Variants in SHKBP1 observed in about 807,000 individuals in gnomAD.
The protein encoded by SHKBP1 is SH3KBP1 binding protein 1.
In SHKBP1, 71 loss-of-function variants were observed where a neutral mutation model predicts 83.9. The ratio of observed to expected loss-of-function variants is 0.85; its 90% CI spans 0.70 to 1.03. The LOEUF (loss-of-function observed/expected upper bound fraction) is 1.03, where lower values mean the gene tolerates loss of function less well. SHKBP1 is among the 50% of genes least tolerant of loss of function. The pLI is 0.00. For synonymous variants in SHKBP1, 371 were observed against 398.0 expected, an observed-to-expected ratio of 0.93 and a Z score of 0.81; for missense variants, 824 against 982.4, an observed-to-expected ratio of 0.84 and a Z score of 2.16.
chr19:40,588,485 G>A, intron 13 of SHKBP1, 139 bp from the exon 14 acceptor site: 1 of 1,077,734 alleles, frequency 9.3e-7, no homozygotes, highest in South Asian at 1.4e-5. Context: ...GGAATTCTGG[G>A]GAGGAAAGGA....
chr19:40,580,058 A>C, intron 6 of SHKBP1: 2 of 278,426 alleles, frequency 7.2e-6, no homozygotes, highest in Non-Finnish European at 1.3e-5. Context: ...AAAAAAACGG[A>C]AAATTAGGTA....
rs147917356 is a variant in SHKBP1, at chr19:40,588,742, A to C, written c.1455A>C (p.Ala485=). Residue 485 remains alanine (A), a synonymous_variant, in exon 14 of 18, where the codon GCA becomes GCC. Coordinates refer to ENST00000291842, the MANE Select transcript of SHKBP1 (RefSeq NM_138392.4). ...TTAAGATCCTGGCTCTGGAGTCGGC[A>C]GATGGGCATGGCGGCTGCAGTGCTG... ...ASFKILALES[A]DGHGGCSAGN... 89 of 1,614,028 alleles carry C rather than the reference A, an allele frequency of 5.5e-5. No individual in the cohort carries two copies. In the African/African-American group the frequency reaches 1.1e-3, roughly 20 times the overall value.
chr19:40,578,182 G>A lies in SHKBP1; in HGVS notation c.289G>A (p.Glu97Lys). The change falls in exon 5 of 18, where the codon GAA becomes AAA. Residue 97 changes from glutamate to lysine, a missense_variant. By Grantham distance (56) the Glu-to-Lys change is moderately conservative. This residue lies in a region of SHKBP1 where 355 missense variants were observed against 386.4 expected (regional missense o/e 0.92). Transcript: ENST00000291842. ...RGVHGSSLLH[E>K]AQFYGLTPLV... ...TGTCCACGGTTCCAGCCTCCTCCAT[G>A]AAGCCCAGTTCTATGGGCTCACTCC... The A allele has an allele frequency of 6.2e-7, 1 of 1,614,114 alleles. No individual in the cohort carries two copies. The highest frequency in any genetic ancestry group is 1.6e-4 in the Middle Eastern group (1 of 6,062).
At chr19:40,585,088 G>A (rs2081300492) in intron 12 of SHKBP1, among the ~76,000 whole-genome samples, 1 of 151,718 alleles carries the variant, frequency 6.6e-6, no homozygotes, top group Admixed American at 6.6e-5. Flanking sequence ...TTTATGTATG[G>A]TGTGAAGCAG....
chr19:40,583,661 G>A lies in SHKBP1; in HGVS notation c.1109G>A (p.Arg370Gln), dbSNP rs752327703. Residue 370 changes from arginine to glutamine, a missense_variant, in exon 12 of 18, where the codon CGG (arginine) becomes CAG (glutamine). Physicochemically the swap from Arg to Gln is conservative, Grantham distance 43. Coordinates refer to ENST00000291842, the MANE Select transcript of SHKBP1 (RefSeq NM_138392.4). ...GACCTCCTTGTCAGCGAGCTCTATC[G>A]GGACCCAGCGGAGGATGGGGTCACC... is the stretch of plus-strand genomic sequence containing the variant. ...DNDLLVSELY[R>Q]DPAEDGVTAL... The A allele has an allele frequency of 5.6e-6, 9 of 1,613,422 alleles. No homozygotes were observed. In the African/African-American group the frequency reaches 6.7e-5, roughly 12 times the overall value.
intron 12 of SHKBP1, 189 bp from the exon 13 acceptor site, chr19:40,586,585 T>C: frequency 2.2e-6 from 1 of 452,798 alleles, no homozygotes; most frequent in East Asian, 3.6e-5. Flanking sequence ...CAGGCTGGTC[T>C]TGAACGCCTG....
At position 40,590,693 on chromosome 19, in the gene SHKBP1, C is replaced by G. The variant is rs1568395659; in HGVS notation, c.1769-37C>G. 3 of 1,547,802 alleles carry G rather than the reference C, an allele frequency of 1.9e-6. No individual in the cohort carries two copies. The highest frequency in any genetic ancestry group is 2.6e-6 in the Non-Finnish European group (3 of 1,143,766). On this transcript the variant is annotated intron_variant, in intron 16 of 17. Coordinates refer to ENST00000291842, the MANE Select transcript of SHKBP1 (RefSeq NM_138392.4). The surrounding 1 kb of genome is among the most constrained non-coding windows in gnomAD (Gnocchi z 4.6). ...AACCCAGGCCCTTGCCCTATGACCC[C>G]TGTCTTGCCCCCTGACCCTGCTTCC...
rs1375403419 is a variant in SHKBP1 at position 40,590,390 on chromosome 19, C to G, written c.1736C>G (p.Thr579Ser). The G allele has an allele frequency of 2.5e-6, 4 of 1,611,560 alleles. No individual in the cohort carries two copies. Among genetic ancestry groups the G allele is most frequent in the Non-Finnish European group, 1.7e-6 (2 of 1,179,178 alleles). ...ANGSLAMWDL[T>S]TAMDGLGQAP... ...GGCAGCTTGGCCATGTGGGACCTAACCACCGCCATGGACGGCCTCGGCCAG... is the reference window on the plus strand; with the variant it reads ...GGCAGCTTGGCCATGTGGGACCTAAGCACCGCCATGGACGGCCTCGGCCAG... The change falls in exon 16 of 18, where the codon ACC (threonine) becomes AGC (serine). Residue 579 changes from threonine (T) to serine (S), a missense_variant. By Grantham distance (58) the Thr-to-Ser change is moderately conservative. Around this residue, in one of 3 missense-constraint regions of SHKBP1, gnomAD observed 287 missense variants for 322.9 expected, o/e 0.89. Coordinates refer to ENST00000291842, the MANE Select transcript of SHKBP1 (RefSeq NM_138392.4). The surrounding 1 kb of genome is among the most constrained non-coding windows in gnomAD (Gnocchi z 4.6).
In SHKBP1 at chr19:40,590,721, G is replaced by GC; in HGVS notation, c.1769-3dup. 1 of 1,576,116 alleles carries GC rather than the reference G, an allele frequency of 6.3e-7. No homozygotes were observed. On this transcript the variant is annotated splice_polypyrimidine_tract_variant and intron_variant, in intron 16 of 17. Transcript: ENST00000291842. This position sits in a 1 kb window ranked among gnomAD's most constrained non-coding sequence, Gnocchi z 4.6. Reference sequence around the variant, plus strand: ...TCTTGCCCCCTGACCCTGCTTCCGTGCCCCCCAGCAGGTGGCCTGACGGAG... The same window carrying GC: ...TCTTGCCCCCTGACCCTGCTTCCGTGCCCCCCCAGCAGGTGGCCTGACGGAG...
chr19:40,590,294 T>A lies in SHKBP1; in HGVS notation c.1640T>A (p.Val547Glu). 1 of 1,608,540 alleles carries A rather than the reference T, an allele frequency of 6.2e-7. No individual in the cohort carries two copies. Among genetic ancestry groups the A allele is most frequent in the Non-Finnish European group, 8.5e-7 (1 of 1,178,060 alleles). The stretch of plus-strand genomic sequence containing the variant: ...GGCTCACCCACGACAGCCTTCACAG[T>A]GCTGGAGTGCGAGGGCTCCCGGCGG... ...VDGSPTTAFT[V>E]LECEGSRRLG... is the part of the protein sequence containing the mutation. The change falls in exon 16 of 18, where the codon GTG (valine) becomes GAG (glutamate). Residue 547 changes from valine to glutamate, a missense_variant. Physicochemically the swap from Val to Glu is moderately radical, Grantham distance 121 (BLOSUM62 -2). Transcript: ENST00000291842. The surrounding 1 kb of genome is among the most constrained non-coding windows in gnomAD (Gnocchi z 4.6).
At chr19:40,588,506 G>A in intron 13 of SHKBP1, 118 bp from the exon 14 acceptor site, 1 of 1,268,680 alleles carries the variant, frequency 7.9e-7, no homozygotes, top group East Asian at 2.3e-5. Context: ...TTCTCTGAAA[G>A]GGAAGAACTC....
At chr19:40,585,704 T>C (rs1395034823) in intron 12 of SHKBP1, 1 of 151,568 alleles carries the variant, frequency 6.6e-6, no homozygotes, top group Non-Finnish European at 1.5e-5. Context: ...CCTGCCACCA[T>C]GCCCAGCTAA....
chr19:40,583,356 T>C, intron 10 of SHKBP1, 42 bp from the exon 11 acceptor site: 1 of 1,503,244 alleles, frequency 6.7e-7, no homozygotes, highest in Non-Finnish European at 9.0e-7. Flanking sequence ...AGGAAAGGAA[T>C]GGAAGGGCTC....
chr19:40,580,031 CAAAAA>C (rs35620022), intron 6 of SHKBP1: 65 of 64,090 alleles, frequency 1.0e-3, no homozygotes, highest in South Asian at 2.2e-3. Flanking sequence ...AACTCCAACT[CAAAAA>C]AAAAAAAAAA....
In SHKBP1 at chr19:40,580,825, G is replaced by A; in HGVS notation, c.733G>A (p.Ala245Thr). 4 of 1,613,530 alleles carry A rather than the reference G, an allele frequency of 2.5e-6. No individual in the cohort carries two copies. Among genetic ancestry groups the A allele is most frequent in the Non-Finnish European group, 3.4e-6 (4 of 1,179,730 alleles). The part of the protein sequence containing the change: ...DWPIERLALT[A>T]RVHGGALGEH... ...GCCCATCGAACGACTGGCGCTCACAGCCCGGGTGCATGGTGGGGCTTTGGG... is the reference window on the plus strand; with the variant it reads ...GCCCATCGAACGACTGGCGCTCACAACCCGGGTGCATGGTGGGGCTTTGGG... Residue 245 changes from alanine to threonine, a missense_variant, in exon 9 of 18, where the codon GCC becomes ACC. Around this residue, in one of 3 missense-constraint regions of SHKBP1, gnomAD observed 355 missense variants for 386.4 expected, o/e 0.92. Transcript: ENST00000291842.
chr19:40,587,480 A>G (rs1422647747), intron 13 of SHKBP1, among the ~76,000 whole-genome samples: 1 of 152,150 alleles, frequency 6.6e-6, no homozygotes, highest in African/African-American at 2.4e-5. Flanking sequence ...AATCCCCGCT[A>G]CTCGGGAGGC....
intron 6 of SHKBP1, 157 bp from the exon 7 acceptor site, chr19:40,580,167 A>C (rs1183023081): frequency 2.5e-6 from 2 of 792,890 alleles, no homozygotes; most frequent in African/African-American, 3.5e-5. Flanking sequence ...TATGTGGTTC[A>C]GTGTCATTTC....
Position 40,589,093 on chromosome 19 carries a change from G to T in SHKBP1, c.1504G>T (p.Glu502Ter), listed in dbSNP as rs2081335445. ...SAGNDIGPYGERDDQQVFIQK... is the reference protein window; with the variant it reads ...SAGNDIGPYG Reference sequence around the variant, plus strand: ...CCTGCCTGGCCCAGGCCCCTACGGTGAGCGGGACGACCAGCAAGTGTTCAT... The same window carrying T: ...CCTGCCTGGCCCAGGCCCCTACGGTTAGCGGGACGACCAGCAAGTGTTCAT... Residue 502 changes from glutamate to a stop codon, truncating the protein, a stop_gained, in exon 15 of 18, where the codon GAG becomes TAG. Coordinates refer to ENST00000291842, the MANE Select transcript of SHKBP1 (RefSeq NM_138392.4). LOFTEE classifies it high-confidence loss of function. 1 of 1,612,696 alleles carries T rather than the reference G, an allele frequency of 6.2e-7. No homozygotes were observed.
At chr19:40,582,314 G>A (rs771763288) in intron 9 of SHKBP1, 37 bp from the exon 10 acceptor site, 1 of 1,539,528 alleles carries the variant, frequency 6.5e-7, no homozygotes, top group Non-Finnish European at 9.0e-7. Context: ...TCCTCCATGA[G>A]GCAGGGTTCC....
Sources: allele counts gnomAD v4.1 joint callset (sites outside exome capture counted in the v4.1 genomes callset), GRCh38; gene constraint gnomAD v4.1.1; regional missense constraint gnomAD v4.1.1; non-coding constraint Gnocchi (gnomAD v3.1); transcripts MANE v1.5; gene names NCBI Gene and HGNC (gene_info 2026-07-23, HGNC 2026-07-21).